SYNPR: variants seen among roughly 807,000 people sequenced by gnomAD.
SYNPR encodes the protein synaptoporin.
Under a neutral mutation model 32.9 loss-of-function variants are expected in SYNPR, and 23 were observed. The observed-to-expected ratio is 0.70, with a 90% CI of 0.50 to 0.99. The LOEUF (loss-of-function observed/expected upper bound fraction) is 0.99, where lower values mean the gene tolerates loss of function less well. Among genes scored for constraint, SYNPR ranks in the 50% least tolerant of loss-of-function variants. The pLI, the probability that SYNPR is intolerant of heterozygous loss-of-function variation, is 0.00. For synonymous variants in SYNPR, 146 were observed against 135.9 expected, an observed-to-expected ratio of 1.07 and a Z score of -0.52; for missense variants, 318 against 349.3, an observed-to-expected ratio of 0.91 and a Z score of 0.71.
At chr3:63,455,878 T>C (rs1203049375) in intron 2 of SYNPR, among the ~76,000 whole-genome samples, 1 of 151,876 alleles carries the variant, frequency 6.6e-6, no homozygotes, top group Non-Finnish European at 1.5e-5. Context: ...ATCAAGGCCC[T>C]TCTTTTCTTC....
chr3:63,311,595 C>T (rs998349137), intron 2 of SYNPR, among the ~76,000 whole-genome samples: 1 of 151,898 alleles, frequency 6.6e-6, no homozygotes. Flanking sequence ...CTGCCAACAC[C>T]CCGTCCATGG....
intron 3 of SYNPR, among the ~76,000 whole-genome samples, chr3:63,548,190 G>A (rs1702443286): frequency 1.3e-5 from 2 of 152,266 alleles, no homozygotes; most frequent in Middle Eastern, 3.4e-3. Context: ...AATGACTTGA[G>A]CATAATGGAG....
chr3:63,225,144 G>C (rs1248348790), upstream of SYNPR, among the ~76,000 whole-genome samples: 1 of 152,218 alleles, frequency 6.6e-6, no homozygotes, highest in Non-Finnish European at 1.5e-5. Flanking sequence ...AGGGATGTGA[G>C]ATAAAATGTT....
chr3:63,459,642 C>T (rs946059954), intron 2 of SYNPR, among the ~76,000 whole-genome samples: 1 of 152,082 alleles, frequency 6.6e-6, no homozygotes, highest in African/African-American at 2.4e-5. Context: ...AATTAAATCT[C>T]AAATTTCATT....
intron 2 of SYNPR, among the ~76,000 whole-genome samples, chr3:63,360,202 G>T (rs898340264): frequency 2.0e-5 from 3 of 152,082 alleles, no homozygotes; most frequent in Non-Finnish European, 2.9e-5. Flanking sequence ...AGTTATTGTA[G>T]CCCAAAATCT....
intron 2 of SYNPR, among the ~76,000 whole-genome samples, chr3:63,295,299 C>A (rs1329786850): frequency 6.6e-6 from 1 of 152,160 alleles, no homozygotes; most frequent in Non-Finnish European, 1.5e-5. Context: ...TTAGTTCTAA[C>A]AACTCTATTA....
chr3:63,437,575 AAGAGTG>A (rs1217216779), intron 2 of SYNPR, among the ~76,000 whole-genome samples: 1 of 150,572 alleles, frequency 6.6e-6, no homozygotes, highest in Non-Finnish European at 1.5e-5. Flanking sequence ...AGAAAGAAAG[AAGAGTG>A]AGAGAGAGAG....
intron 3 of SYNPR, among the ~76,000 whole-genome samples, chr3:63,503,590 A>G (rs1467587680): frequency 6.6e-6 from 1 of 152,116 alleles, no homozygotes; most frequent in African/African-American, 2.4e-5. Flanking sequence ...TTCTCCAATT[A>G]TTGTTTTGTA....
chr3:63,502,421 C>T, intron 3 of SYNPR, among the ~76,000 whole-genome samples: 1 of 152,020 alleles, frequency 6.6e-6, no homozygotes. Flanking sequence ...CCACAGTTTA[C>T]CTCAGGGTTC....
At chr3:63,449,128 A>G (rs1465143446) in intron 2 of SYNPR, among the ~76,000 whole-genome samples, 1 of 152,170 alleles carries the variant, frequency 6.6e-6, no homozygotes, top group African/African-American at 2.4e-5. Context: ...AAAAGCTTTG[A>G]AAGGAAAGAA....
At chr3:63,201,971 G>C in the SYNPR span, among the ~76,000 whole-genome samples, 1 of 152,090 alleles carries the variant, frequency 6.6e-6, no homozygotes, top group Non-Finnish European at 1.5e-5. Flanking sequence ...GAATTAGTTA[G>C]AATGCCTTTT....
intron 2 of SYNPR, among the ~76,000 whole-genome samples, chr3:63,337,437 A>G (rs1275633082): frequency 6.6e-6 from 1 of 152,038 alleles, no homozygotes; most frequent in African/African-American, 2.4e-5. Flanking sequence ...TGGTACAGTC[A>G]CTCTAGAAGA....
intron 3 of SYNPR, among the ~76,000 whole-genome samples, chr3:63,514,242 C>G (rs1701751712): frequency 6.6e-6 from 1 of 152,148 alleles, no homozygotes; most frequent in Non-Finnish European, 1.5e-5. Context: ...CATACTTGGT[C>G]ATTGGCAGCT....
At chr3:63,298,206 A>G (rs764817932) in intron 2 of SYNPR, among the ~76,000 whole-genome samples, 5 of 152,180 alleles carry the variant, frequency 3.3e-5, no homozygotes, top group African/African-American at 4.8e-5. Flanking sequence ...ACACTCAGGA[A>G]TGAGCAAGGG....
At chr3:63,413,581 C>T (rs1299659977) in intron 2 of SYNPR, among the ~76,000 whole-genome samples, 1 of 152,136 alleles carries the variant, frequency 6.6e-6, no homozygotes, top group Non-Finnish European at 1.5e-5. Flanking sequence ...AGAAAAGACC[C>T]TTAGAACAAA....
At chr3:63,224,416 T>C (rs1013510238), upstream of SYNPR, among the ~76,000 whole-genome samples, 3 of 152,134 alleles carry the variant, frequency 2.0e-5, no homozygotes, top group Non-Finnish European at 4.4e-5. Flanking sequence ...GATGCCAAAT[T>C]ATTGGGGACC....
Position 63,282,684 on chromosome 3 carries a change from G to GAA in SYNPR, c.84+3959_84+3960dup, listed in dbSNP as rs34234414. 3.8e-3 allele frequency among the ~76,000 whole-genome samples: 446 copies of GAA among 115,878 alleles called. 4 individuals carry two copies. Among genetic ancestry groups the GAA allele is most frequent in the African/African-American group, 4.8e-3 (132 of 27,280 alleles). 76.0% of individuals were successfully genotyped at this position (115,878 alleles called of 152,430 possible). ...GACGACAAAGTGAGACACTGTCTCA[G>GAA]AAAAAAAAAAAAAAAAAAGAATGAA... On this transcript the variant is annotated intron_variant, in intron 2 of 5. Transcript: ENST00000478300.
intron 3 of SYNPR, among the ~76,000 whole-genome samples, chr3:63,549,202 G>A (rs1329406657): frequency 6.6e-6 from 1 of 152,134 alleles, no homozygotes; most frequent in Non-Finnish European, 1.5e-5. Context: ...TCACTGCTGG[G>A]TACCTTGTAC....
chr3:63,600,215 A>G (rs1288553687), intron 4 of SYNPR, among the ~76,000 whole-genome samples: 3 of 152,218 alleles, frequency 2.0e-5, no homozygotes, highest in Non-Finnish European at 4.4e-5. Context: ...GTGCTGGCGT[A>G]TAGGAAGCAC....
Sources: allele counts gnomAD v4.1 joint callset (sites outside exome capture counted in the v4.1 genomes callset), GRCh38; gene constraint gnomAD v4.1.1; transcripts MANE v1.5; gene names NCBI Gene and HGNC (gene_info 2026-07-23, HGNC 2026-07-21).